Variants in IQSEC1 observed in about 807,000 individuals in gnomAD.
The protein encoded by IQSEC1 is IQ motif and SEC7 domain-containing protein 1.
In IQSEC1, 31 loss-of-function variants were observed where a neutral mutation model predicts 91.0. The ratio of observed to expected loss-of-function variants is 0.34; its 90% CI spans 0.26 to 0.46. IQSEC1 has a LOEUF of 0.46. IQSEC1 is among the 20% of genes least tolerant of loss of function. IQSEC1 has a pLI of 1.00. For missense variants in IQSEC1, 1,388 were observed against 1,575.6 expected, an observed-to-expected ratio of 0.88 and a Z score of 2.02; for synonymous variants, 699 against 662.6, an observed-to-expected ratio of 1.05 and a Z score of -0.84.
chr3:13,088,923 G>C (rs1705788269), intron 2 of IQSEC1, among the ~76,000 whole-genome samples: 1 of 152,244 alleles, frequency 6.6e-6, no homozygotes, highest in Non-Finnish European at 1.5e-5. Flanking sequence ...GCAGATCCTA[G>C]GGACATCTGA....
chr3:13,009,264 G>A (rs1702768133), intron 1 of IQSEC1, among the ~76,000 whole-genome samples: 1 of 152,204 alleles, frequency 6.6e-6, no homozygotes, highest in African/African-American at 2.4e-5. Flanking sequence ...CAGGACCGGT[G>A]CCCGGACTGC....
intron 1 of IQSEC1, among the ~76,000 whole-genome samples, chr3:12,945,865 T>A (rs1236655437): frequency 6.6e-6 from 1 of 152,236 alleles, no homozygotes; most frequent in Non-Finnish European, 1.5e-5. Context: ...AGGACTCTGC[T>A]GCTAGGAGTA....
chr3:13,121,392 G>A (rs1706420725), intron 2 of IQSEC1, among the ~76,000 whole-genome samples: 1 of 152,198 alleles, frequency 6.6e-6, no homozygotes, highest in Non-Finnish European at 1.5e-5. Flanking sequence ...TGGGAGGGGT[G>A]AGGCCAGTCC....
chr3:13,055,790 C>T (rs1704854109), intron 1 of IQSEC1, among the ~76,000 whole-genome samples: 2 of 152,132 alleles, frequency 1.3e-5, no homozygotes, highest in Admixed American at 1.3e-4. Flanking sequence ...GTGCAAGGGG[C>T]CAGCAAGGAC....
At chr3:13,124,553 G>A (rs960472431) in intron 2 of IQSEC1, among the ~76,000 whole-genome samples, 2 of 152,206 alleles carry the variant, frequency 1.3e-5, no homozygotes, top group Admixed American at 1.3e-4. Context: ...GTGATGTGGG[G>A]ATGTTAATGG....
At chr3:13,163,157 C>T (rs532989610) in intron 2 of IQSEC1, among the ~76,000 whole-genome samples, 1 of 152,266 alleles carries the variant, frequency 6.6e-6, no homozygotes, top group Admixed American at 6.5e-5. Context: ...AGATTCAGCA[C>T]CCCCTGTGCT....
chr3:13,165,902 C>G (rs1012296295), intron 1 of IQSEC1, among the ~76,000 whole-genome samples: 1 of 152,176 alleles, frequency 6.6e-6, no homozygotes, highest in Admixed American at 6.5e-5. Context: ...TGCAACCGGG[C>G]CCCGCTTACG....
chr3:13,158,808 A>G (rs905386253), intron 2 of IQSEC1, among the ~76,000 whole-genome samples: 3 of 152,044 alleles, frequency 2.0e-5, no homozygotes, highest in African/African-American at 7.2e-5. Flanking sequence ...CTAAAAATAC[A>G]AAAATTAGCC....
intron 1 of IQSEC1, among the ~76,000 whole-genome samples, chr3:13,220,977 C>A (rs1694647992): frequency 6.6e-6 from 1 of 152,240 alleles, no homozygotes; most frequent in Admixed American, 6.5e-5. Flanking sequence ...TGGCCTCATC[C>A]ATGGTTGGGG....
intron 1 of IQSEC1, among the ~76,000 whole-genome samples, chr3:13,179,984 T>G (rs963696358): frequency 1.3e-5 from 2 of 151,370 alleles, no homozygotes; most frequent in African/African-American, 2.5e-5. Flanking sequence ...CCACCATGCC[T>G]GAGCCTCCCC....
Position 12,900,783 on chromosome 3 carries a change from C to T in IQSEC1, c.*200G>A. The T allele has an allele frequency of 6.9e-7, 1 of 1,446,570 alleles. No individual in the cohort carries two copies. Among genetic ancestry groups the T allele is most frequent in the Non-Finnish European group, 9.1e-7 (1 of 1,104,698 alleles). The allele number at this position is 1,446,570 out of a possible 1,614,324, so 89.6% of individuals were successfully genotyped here. On this transcript the variant is annotated 3_prime_UTR_variant, in exon 14 of 14. Coordinates refer to ENST00000613206, the MANE Select transcript of IQSEC1 (RefSeq NM_001134382.3). ...CTGAGGTGAGCAGAGCCCAGGGTGC[C>T]AACAAGAAATGAAATCTGGGCCTTT...
intron 1 of IQSEC1, among the ~76,000 whole-genome samples, chr3:13,033,098 G>GT (rs56838529): frequency 0.35 from 53,050 of 151,998 alleles, 9,996 homozygotes; most frequent in East Asian, 0.59. Context: ...TGATTATTGA[G>GT]TTTTTGGCAC....
chr3:13,111,505 G>C (rs888684011), intron 2 of IQSEC1, among the ~76,000 whole-genome samples: 9 of 152,200 alleles, frequency 5.9e-5, no homozygotes, highest in Admixed American at 4.6e-4. Context: ...TTCCCACTGC[G>C]GGTAAGCACC....
At chr3:12,955,263 G>A (rs1699827602) in intron 1 of IQSEC1, among the ~76,000 whole-genome samples, 2 of 152,228 alleles carry the variant, frequency 1.3e-5, no homozygotes, top group Admixed American at 1.3e-4. Flanking sequence ...AGAATGCCCT[G>A]GGCTCAGCTC....
intron 1 of IQSEC1, among the ~76,000 whole-genome samples, chr3:13,200,178 CAACA>C (rs1694216842): frequency 6.6e-6 from 1 of 151,228 alleles, no homozygotes; most frequent in African/African-American, 2.4e-5. Flanking sequence ...CACACACATA[CAACA>C]CACACATACA....
chr3:13,249,171 T>C (rs944087509), intron 1 of IQSEC1, among the ~76,000 whole-genome samples: 8 of 136,364 alleles, frequency 5.9e-5, no homozygotes, highest in South Asian at 2.7e-4. Context: ...GAATTTCTTT[T>C]TTTTTTTTTT....
intron 1 of IQSEC1, among the ~76,000 whole-genome samples, chr3:13,015,998 G>A (rs923991330): frequency 7.2e-5 from 11 of 152,222 alleles, no homozygotes; most frequent in African/African-American, 2.7e-4. Context: ...CACTGTCACG[G>A]AGGGCCAGCT....
In IQSEC1 at chr3:12,967,644, C is replaced by G. The variant is rs1369455044; in HGVS notation, c.24-25779G>C. ...GCTCCCGCGGCTCCGGCCCCAAGTC[C>G]GAGCCCCAGGCCAGCCAAGCCCGCC... is the stretch of plus-strand genomic sequence containing the variant. On this transcript the variant is annotated intron_variant, in intron 1 of 13. Coordinates refer to ENST00000613206, the MANE Select transcript of IQSEC1 (RefSeq NM_001134382.3). The surrounding 1 kb of genome is among the most constrained non-coding windows in gnomAD (Gnocchi z 5.9). The G allele has an allele frequency of 3.3e-6, 4 of 1,215,784 alleles. No individual in the cohort carries two copies. The highest frequency in any genetic ancestry group is 4.1e-6 in the Non-Finnish European group (4 of 978,486). The allele number at this position is 1,215,784 out of a possible 1,614,324, so 75.3% of individuals were successfully genotyped here. A position where few individuals can be genotyped will look rare whatever the true frequency, so the allele number is the denominator to read the frequency against.
intron 1 of IQSEC1, among the ~76,000 whole-genome samples, chr3:12,996,571 T>C (rs1444142617): frequency 1.3e-5 from 2 of 151,904 alleles, no homozygotes; most frequent in African/African-American, 4.8e-5. Context: ...ACTATGTAAA[T>C]GGAATCAAAA....
Sources: gnomAD v4.1 joint callset for allele counts (sites outside exome capture counted in the v4.1 genomes callset) on GRCh38, gnomAD v4.1.1 for gene constraint, Gnocchi (gnomAD v3.1) non-coding constraint, MANE v1.5 for transcripts, NCBI Gene and HGNC (gene_info 2026-07-23, HGNC 2026-07-21) for gene names.